The following EDIL3 variants were observed in gnomAD, a reference collection of about 807,000 sequenced individuals.
EDIL3 encodes EGF like and discoidin domains 3, also known as EGF-like repeat and discoidin I-like domain-containing protein 3.
A neutral mutation model predicts 67.4 loss-of-function variants in EDIL3; 37 were observed. The ratio of observed to expected loss-of-function variants is 0.55; its 90% CI spans 0.42 to 0.72. EDIL3 has a LOEUF of 0.72. EDIL3 is among the 30% of genes least tolerant of loss of function. The probability of loss-of-function intolerance (pLI) is 0.00; values close to 1 mark genes in which losing one functional copy is unlikely to be tolerated. For synonymous variants in EDIL3, 195 were observed against 196.3 expected, an observed-to-expected ratio of 0.99 and a Z score of 0.05; for missense variants, 527 against 586.3, an observed-to-expected ratio of 0.90 and a Z score of 1.04.
intron 4 of EDIL3, among the ~76,000 whole-genome samples, chr5:84,160,496 G>A (rs371416223): frequency 2.6e-5 from 4 of 152,000 alleles, no homozygotes; most frequent in African/African-American, 9.6e-5. Context: ...TTTATTGCTG[G>A]AATATTAACG....
chr5:84,365,112 C>T (rs1273993660), intron 1 of EDIL3, among the ~76,000 whole-genome samples: 1 of 151,890 alleles, frequency 6.6e-6, no homozygotes, highest in Non-Finnish European at 1.5e-5. Flanking sequence ...ATCTTAAGTG[C>T]AATATGCACT....
At chr5:84,183,727 T>C (rs1294557761) in intron 3 of EDIL3, among the ~76,000 whole-genome samples, 2 of 152,164 alleles carry the variant, frequency 1.3e-5, no homozygotes, top group African/African-American at 4.8e-5. Context: ...TCTTCCATGC[T>C]CCTTCACACT....
At chr5:84,374,988 T>C (rs927437590) in intron 1 of EDIL3, among the ~76,000 whole-genome samples, 9 of 151,788 alleles carry the variant, frequency 5.9e-5, no homozygotes, top group African/African-American at 2.2e-4. Context: ...TTTTTCTTTT[T>C]TTCAGACGGA....
chr5:84,056,970 T>C (rs1746460038), intron 9 of EDIL3, among the ~76,000 whole-genome samples: 1 of 152,094 alleles, frequency 6.6e-6, no homozygotes, highest in South Asian at 2.1e-4. Context: ...CATAACAATA[T>C]ACAGTTGAAC....
chr5:84,327,950 T>G (rs950503535), intron 1 of EDIL3, among the ~76,000 whole-genome samples: 3 of 152,056 alleles, frequency 2.0e-5, no homozygotes, highest in Admixed American at 2.0e-4. Flanking sequence ...ATGGAAGTCT[T>G]ACCAGCATAC....
At chr5:84,048,903 T>C (rs764765262) in intron 9 of EDIL3, among the ~76,000 whole-genome samples, 9 of 152,162 alleles carry the variant, frequency 5.9e-5, no homozygotes, top group Non-Finnish European at 1.3e-4. Flanking sequence ...AGCATGATCA[T>C]TAGCAATGTC....
At chr5:84,322,207 C>CA (rs1039078393) in intron 1 of EDIL3, among the ~76,000 whole-genome samples, 25 of 147,622 alleles carry the variant, frequency 1.7e-4, no homozygotes, top group African/African-American at 4.7e-4. Context: ...ATGACCCACT[C>CA]AAAAAAAAAG....
Position 83,943,371 on chromosome 5 carries a change from G to A in EDIL3, c.*48C>T, listed in dbSNP as rs369916818. Reference sequence around the variant, plus strand: ...GATTTTGCACAGTTCATTCCATGGAGATACTTTTAGGGAAATAGGGAAGAG... The same window carrying A: ...GATTTTGCACAGTTCATTCCATGGAAATACTTTTAGGGAAATAGGGAAGAG... On this transcript the variant is annotated 3_prime_UTR_variant, in exon 11 of 11. Coordinates refer to ENST00000296591, the MANE Select transcript of EDIL3 (RefSeq NM_005711.5). 89 of 1,608,736 alleles carry A rather than the reference G, an allele frequency of 5.5e-5. No individual in the cohort carries two copies. Among genetic ancestry groups the A allele is most frequent in the Non-Finnish European group, 7.1e-5 (84 of 1,177,140 alleles).
Position 84,283,617 on chromosome 5 carries a change from T to C in EDIL3, c.68-29405A>G, listed in dbSNP as rs1182924848. On this transcript the variant is annotated intron_variant, in intron 1 of 10. Transcript: ENST00000296591. ...ATCCCTGTCCACATTTCTAACCATA[T>C]TGAACACGACTACTTATAATTCACA... is the stretch of plus-strand genomic sequence containing the variant. 3.9e-5 allele frequency among the ~76,000 whole-genome samples: 6 copies of C among 152,204 alleles called. No individual in the cohort carries two copies. The East Asian group carries it at 9.6e-4, about 24-fold the overall frequency.
At chr5:84,344,051 GCCTA>G (rs1392449293) in intron 1 of EDIL3, among the ~76,000 whole-genome samples, 10 of 152,092 alleles carry the variant, frequency 6.6e-5, no homozygotes, top group Admixed American at 5.9e-4. Context: ...AAAAAATGTT[GCCTA>G]CCTATCTCTG....
chr5:84,193,564 T>C (rs1048340418), intron 3 of EDIL3, among the ~76,000 whole-genome samples: 3 of 151,902 alleles, frequency 2.0e-5, no homozygotes, highest in African/African-American at 4.8e-5. Context: ...GGTAAGGATA[T>C]AGTTGCCTAC....
intron 6 of EDIL3, among the ~76,000 whole-genome samples, chr5:84,078,452 A>C (rs925394122): frequency 3.3e-5 from 5 of 152,218 alleles, no homozygotes; most frequent in Non-Finnish European, 7.3e-5. Context: ...AAATTTAAAA[A>C]CACACCTTAT....
At position 84,379,816 on chromosome 5, in the gene EDIL3, C is replaced by T. The variant is rs565487361; in HGVS notation, c.67+4492G>A. ...GAAAACTAACTAATAACATTAGTTT[C>T]GTAAAGAGTAGAAAGTTACTTTATG... On this transcript the variant is annotated intron_variant, in intron 1 of 10. Coordinates refer to ENST00000296591, the MANE Select transcript of EDIL3 (RefSeq NM_005711.5). 3.3e-5 allele frequency among the ~76,000 whole-genome samples: 5 copies of T among 152,118 alleles called. No homozygotes were observed. The South Asian group carries it at 6.2e-4, about 19-fold the overall frequency.
intron 5 of EDIL3, among the ~76,000 whole-genome samples, chr5:84,125,526 G>C (rs1401448740): frequency 2.0e-5 from 3 of 151,978 alleles, no homozygotes; most frequent in Non-Finnish European, 4.4e-5. Flanking sequence ...CTAGGTGTGA[G>C]TGAACTCTGA....
chr5:84,010,395 T>C (rs1455782935), intron 9 of EDIL3, among the ~76,000 whole-genome samples: 2 of 152,224 alleles, frequency 1.3e-5, no homozygotes, highest in Non-Finnish European at 2.9e-5. Flanking sequence ...TGTACTTCCC[T>C]ATCATACTGT....
chr5:84,367,006 T>C (rs1421542799), intron 1 of EDIL3, among the ~76,000 whole-genome samples: 1 of 152,156 alleles, frequency 6.6e-6, no homozygotes, highest in African/African-American at 2.4e-5. Context: ...CAAAATACAA[T>C]AGTTAAAACC....
chr5:84,309,066 G>A (rs987050168), intron 1 of EDIL3, among the ~76,000 whole-genome samples: 1 of 152,110 alleles, frequency 6.6e-6, no homozygotes, highest in African/African-American at 2.4e-5. Flanking sequence ...TTCCTCTCAT[G>A]AGCTGTGAGT....
rs1746604748 is a variant in EDIL3 at position 84,064,759 on chromosome 5, G to A, written c.893C>T (p.Pro298Leu). Residue 298 changes from proline to leucine, a missense_variant, in exon 8 of 11, where the codon CCC (proline) becomes CTC (leucine). By Grantham distance (98) the Pro-to-Leu change is moderately conservative (BLOSUM62 -3). This residue lies in a region of EDIL3 where 494 missense variants were observed against 522.5 expected (regional missense o/e 0.95). Transcript: ENST00000296591. ...AGTGCAATGTCTTCGACAAACTTGG[G>A]GATAGAGTCTTACATACTGAGCTTT... ...PIKAQYVRLY[P>L]QVCRRHCTLR... 4 of 1,613,640 alleles carry A rather than the reference G, an allele frequency of 2.5e-6. No homozygotes were observed. Among genetic ancestry groups the A allele is most frequent in the Non-Finnish European group, 2.5e-6 (3 of 1,179,772 alleles).
chr5:84,151,227 G>A (rs1748382774), intron 4 of EDIL3, among the ~76,000 whole-genome samples: 1 of 150,656 alleles, frequency 6.6e-6, no homozygotes, highest in African/African-American at 2.4e-5. Flanking sequence ...CATATTTTTT[G>A]TCTGTAAACT....
Sources: allele counts gnomAD v4.1 joint callset (sites outside exome capture counted in the v4.1 genomes callset), GRCh38; gene constraint gnomAD v4.1.1; regional missense constraint gnomAD v4.1.1; transcripts MANE v1.5; gene names NCBI Gene and HGNC (gene_info 2026-07-23, HGNC 2026-07-21).